The following ZMYND8 variants were observed in gnomAD, a reference collection of about 807,000 sequenced individuals.
The protein encoded by ZMYND8 is zinc finger MYND-type containing 8.
Under a neutral mutation model 140.8 loss-of-function variants are expected in ZMYND8, and 37 were observed. The observed-to-expected ratio is 0.26, with a 90% CI of 0.20 to 0.35. The LOEUF is 0.35. Among genes scored for constraint, ZMYND8 ranks in the 10% least tolerant of loss-of-function variants. ZMYND8 has a pLI of 1.00. For missense variants in ZMYND8, 1,068 were observed against 1,570.0 expected (o/e 0.68, Z 5.40); for synonymous variants, 592 against 597.1 (o/e 0.99, Z 0.12).
At chr20:47,327,507 T>C (rs189015799) in intron 2 of ZMYND8, among the ~76,000 whole-genome samples, 260 of 151,976 alleles carry the variant, frequency 1.7e-3, no homozygotes, top group Non-Finnish European at 3.2e-3. Context: ...TACAAAAATA[T>C]TAGCCAGGCG....
At chr20:47,288,082 A>G (rs2147934747) in intron 7 of ZMYND8, among the ~76,000 whole-genome samples, 1 of 152,294 alleles carries the variant, frequency 6.6e-6, no homozygotes, top group East Asian at 1.9e-4. Context: ...GTATTTTTAG[A>G]AATTGTAAAT....
intron 7 of ZMYND8, among the ~76,000 whole-genome samples, chr20:47,288,882 A>C (rs2077084852): frequency 1.3e-5 from 2 of 152,180 alleles, no homozygotes; most frequent in South Asian, 4.1e-4. Flanking sequence ...TGGGCAAATC[A>C]CTTGAGGTCA....
chr20:47,352,381 C>T (rs1034517171), intron 1 of ZMYND8: 1 of 897,652 alleles, frequency 1.1e-6, no homozygotes, highest in African/African-American at 1.8e-5. Context: ...CCCTCTGAAG[C>T]AGCCAGTCCT....
intron 1 of ZMYND8, among the ~76,000 whole-genome samples, chr20:47,350,328 GAAAAAAAA>G (rs3084684): frequency 6.4e-5 from 6 of 93,286 alleles, no homozygotes; most frequent in Non-Finnish European, 1.3e-4. Context: ...ATTAAAAGGA[GAAAAAAAA>G]AAAAAAAAAA....
intron 21 of ZMYND8, among the ~76,000 whole-genome samples, chr20:47,217,564 T>G (rs1333730605): frequency 6.6e-6 from 1 of 152,178 alleles, no homozygotes; most frequent in Non-Finnish European, 1.5e-5. Context: ...TCCCTCTGAC[T>G]GTGCCCCCAA....
chr20:47,339,423 T>C (rs2081650054), intron 2 of ZMYND8, among the ~76,000 whole-genome samples: 1 of 152,210 alleles, frequency 6.6e-6, no homozygotes, highest in African/African-American at 2.4e-5. Flanking sequence ...AAAAATTCAC[T>C]GTCTCTAAGT....
chr20:47,210,312 G>A lies in ZMYND8; in HGVS notation c.*449C>T, dbSNP rs2035064181. On this transcript the variant is annotated 3_prime_UTR_variant, in exon 23 of 23. Transcript: ENST00000471951. ...GGATGAGGACGTGAGTATGAAAGTG[G>A]TCCCCGGGCCCAGTATCCATTCCGT... 1 of 165,398 alleles carries A rather than the reference G, an allele frequency of 6.0e-6. No homozygotes were observed. Among genetic ancestry groups the A allele is most frequent in the African/African-American group, 2.4e-5 (1 of 41,478 alleles). The allele number at this position is 165,398 out of a possible 1,614,324, so 10.2% of individuals were successfully genotyped here. A position where few individuals can be genotyped will look rare whatever the true frequency, so the allele number is the denominator to read the frequency against.
At chr20:47,235,783 CCAA>C (rs1168447726) in intron 16 of ZMYND8, among the ~76,000 whole-genome samples, 1 of 151,976 alleles carries the variant, frequency 6.6e-6, no homozygotes, top group South Asian at 2.1e-4. Context: ...CATGAGTTCA[CCAA>C]CAACAGGCAA....
intron 11 of ZMYND8, among the ~76,000 whole-genome samples, chr20:47,268,998 C>T (rs2075745668): frequency 6.6e-6 from 1 of 151,976 alleles, no homozygotes; most frequent in Non-Finnish European, 1.5e-5. Context: ...GTCAGGAGTT[C>T]GAGACCGGCC....
intron 17 of ZMYND8, among the ~76,000 whole-genome samples, chr20:47,229,253 C>T (rs1332156413): frequency 6.6e-6 from 1 of 151,840 alleles, no homozygotes; most frequent in East Asian, 1.9e-4. Context: ...GCTGGGATTA[C>T]CACAACTTCC....
At position 47,353,417 on chromosome 20, in the gene ZMYND8, G is replaced by A. The variant is rs946223412; in HGVS notation, c.14+3240C>T. 4 of 152,278 alleles carry A rather than the reference G, an allele frequency of 2.6e-5. No homozygotes were observed. In the South Asian group the frequency reaches 6.2e-4, roughly 24 times the overall value. 9.4% of individuals were successfully genotyped at this position (152,278 alleles called of 1,614,324 possible). On this transcript the variant is annotated intron_variant, in intron 1 of 22. Transcript: ENST00000471951. Reference sequence around the variant, plus strand: ...AATTATAAAAGTAACTGGACTTGGCGCCAACGGGCTAACTATGATCAGGCT... The same window carrying A: ...AATTATAAAAGTAACTGGACTTGGCACCAACGGGCTAACTATGATCAGGCT...
chr20:47,321,647 A>C (rs1330469373), intron 2 of ZMYND8, among the ~76,000 whole-genome samples: 1 of 152,154 alleles, frequency 6.6e-6, no homozygotes. Flanking sequence ...TTCAGACTTC[A>C]AAGAAAATAA....
chr20:47,341,121 G>A (rs2081839698), intron 2 of ZMYND8, among the ~76,000 whole-genome samples: 1 of 152,108 alleles, frequency 6.6e-6, no homozygotes. Flanking sequence ...AATGATCCAT[G>A]TGGTAATGCG....
intron 8 of ZMYND8, chr20:47,285,711 G>A (rs2076878735): frequency 1.0e-6 from 1 of 985,260 alleles, no homozygotes; most frequent in Non-Finnish European, 1.2e-6. Context: ...TACTTAAGAT[G>A]CTGATAAAAC....
In ZMYND8 at chr20:47,272,474, C is replaced by A. The variant is rs369816803; in HGVS notation, c.1480+3840G>T. Among the ~76,000 whole-genome samples the A allele has an allele frequency of 5.5e-4, 83 of 152,224 alleles. No homozygotes were observed. The South Asian group carries it at 0.016, about 30-fold the overall frequency. On this transcript the variant is annotated intron_variant, in intron 11 of 22. Coordinates refer to ENST00000471951, the MANE Select transcript of ZMYND8 (RefSeq NM_001281775.3). ...GAATGTCAGGCCCCCCGACTCTGAC[C>A]CTAATACATATTAATAACTTACATC...
chr20:47,297,383 T>C (rs957097946), intron 4 of ZMYND8, among the ~76,000 whole-genome samples: 1 of 152,154 alleles, frequency 6.6e-6, no homozygotes, highest in African/African-American at 2.4e-5. Flanking sequence ...ATTTCACACA[T>C]AGAAAGCTTC....
At chr20:47,288,816 A>G (rs1429434453) in intron 7 of ZMYND8, among the ~76,000 whole-genome samples, 1 of 152,208 alleles carries the variant, frequency 6.6e-6, no homozygotes. Flanking sequence ...AAACACTAGC[A>G]AACAGGCTGG....
At chr20:47,330,399 T>C (rs1601985067) in intron 2 of ZMYND8, among the ~76,000 whole-genome samples, 1 of 150,042 alleles carries the variant, frequency 6.7e-6, no homozygotes, top group Admixed American at 6.7e-5. Flanking sequence ...CGGGTGGGTC[T>C]TGCCACTTTG....
chr20:47,229,711 T>A lies in ZMYND8; in HGVS notation c.2937+15A>T. 2 of 1,609,908 alleles carry A rather than the reference T, an allele frequency of 1.2e-6. No individual in the cohort carries two copies. Among genetic ancestry groups the A allele is most frequent in the Non-Finnish European group, 1.7e-6 (2 of 1,176,920 alleles). ...ACACTCTTAGCAAATAAGAAATTCATGTGTCATCTCTGACCTCAGCTATTG... is the reference window on the plus strand; with the variant it reads ...ACACTCTTAGCAAATAAGAAATTCAAGTGTCATCTCTGACCTCAGCTATTG... On this transcript the variant is annotated intron_variant, in intron 17 of 22. Transcript: ENST00000471951.
Sources: allele counts gnomAD v4.1 joint callset (sites outside exome capture counted in the v4.1 genomes callset), GRCh38; gene constraint gnomAD v4.1.1; transcripts MANE v1.5; gene names NCBI Gene and HGNC (gene_info 2026-07-23, HGNC 2026-07-21).